Variants in MYRFL observed in about 807,000 individuals in gnomAD.
MYRFL encodes the protein myelin regulatory factor-like protein.
Under a neutral mutation model 109.4 loss-of-function variants are expected in MYRFL, and 88 were observed. That is an observed-to-expected ratio of 0.80 (90% CI 0.68 to 0.96). MYRFL has a LOEUF of 0.96. Among genes scored for constraint, MYRFL ranks in the 40% least tolerant of loss-of-function variants. The probability of loss-of-function intolerance (pLI) is 0.00; values close to 1 mark genes in which losing one functional copy is unlikely to be tolerated. For missense variants in MYRFL, 957 were observed against 954.9 expected, an observed-to-expected ratio of 1.00 and a Z score of -0.03; for synonymous variants, 324 against 320.9, an observed-to-expected ratio of 1.01 and a Z score of -0.10.
At chr12:69,938,253 A>G (rs375427496) in intron 19 of MYRFL, among the ~76,000 whole-genome samples, 1 of 152,228 alleles carries the variant, frequency 6.6e-6, no homozygotes, top group African/African-American at 2.4e-5. Context: ...TGTGGCTGGT[A>G]AACACTTTTC....
In MYRFL at chr12:69,952,891, G is replaced by C. The variant is rs1956015131; in HGVS notation, c.2375+5G>C. 4.6e-6 allele frequency: 7 copies of C among 1,529,558 alleles called. No homozygotes were observed. The East Asian group carries it at 1.7e-4, about 37-fold the overall frequency. 94.7% of individuals were successfully genotyped at this position (1,529,558 alleles called of 1,614,324 possible). On this transcript the variant is annotated splice_donor_5th_base_variant and intron_variant, in intron 21 of 24. Coordinates refer to ENST00000552032, the MANE Select transcript of MYRFL (RefSeq NM_182530.3). ...CATTCAAAGCCTCCAGTGCGGGTAGGTAAGCCTCCCCAGCATGCCCTGGTT... is the reference window on the plus strand; with the variant it reads ...CATTCAAAGCCTCCAGTGCGGGTAGCTAAGCCTCCCCAGCATGCCCTGGTT...
chr12:69,945,452 T>C (rs2120523890), intron 19 of MYRFL, among the ~76,000 whole-genome samples: 1 of 152,312 alleles, frequency 6.6e-6, no homozygotes, highest in African/African-American at 2.4e-5. Context: ...GCCAACAGTA[T>C]TTACAGTAAC....
At chr12:69,907,196 G>A (rs1035960531) in intron 11 of MYRFL, among the ~76,000 whole-genome samples, 1 of 152,150 alleles carries the variant, frequency 6.6e-6, no homozygotes, top group Admixed American at 6.5e-5. Flanking sequence ...CCAGAAATTA[G>A]AAAAGCATTT....
chr12:69,835,860 G>A (rs1882906429), intron 1 of MYRFL, among the ~76,000 whole-genome samples: 1 of 152,152 alleles, frequency 6.6e-6, no homozygotes. Flanking sequence ...AGTGTCTAGA[G>A]GTGAATGCTT....
At chr12:69,859,706 A>G (rs989277508) in intron 2 of MYRFL, among the ~76,000 whole-genome samples, 4 of 152,214 alleles carry the variant, frequency 2.6e-5, no homozygotes, top group African/African-American at 9.6e-5. Flanking sequence ...AATGCAAATC[A>G]AAACCACAAT....
chr12:69,856,824 T>C (rs1884320472), intron 2 of MYRFL, among the ~76,000 whole-genome samples: 1 of 152,004 alleles, frequency 6.6e-6, no homozygotes, highest in African/African-American at 2.4e-5. Flanking sequence ...TTCATGAATA[T>C]TTTCTCCAAG....
intron 15 of MYRFL, among the ~76,000 whole-genome samples, chr12:69,929,013 A>C (rs12369337): frequency 0.13 from 20,142 of 152,212 alleles, 1,991 homozygotes; most frequent in East Asian, 0.49. Context: ...GGCTCATGAG[A>C]GCAGGCCCTG....
intron 5 of MYRFL, among the ~76,000 whole-genome samples, 194 bp downstream of exon 5, chr12:69,880,486 A>C (rs1459494113): frequency 1.3e-5 from 2 of 152,172 alleles, no homozygotes; most frequent in Non-Finnish European, 2.9e-5. Context: ...CCTCCTAGGA[A>C]GAGATGATGT....
intron 2 of MYRFL, among the ~76,000 whole-genome samples, chr12:69,869,784 C>T (rs1885231143): frequency 6.6e-6 from 1 of 152,092 alleles, no homozygotes; most frequent in African/African-American, 2.4e-5. Context: ...ATGTGTCTTG[C>T]CTAATGTCTG....
chr12:69,927,820 G>T, intron 15 of MYRFL, 72 bp downstream of exon 15: 1 of 1,371,650 alleles, frequency 7.3e-7, no homozygotes, highest in South Asian at 1.3e-5. Context: ...AATCAGTCAA[G>T]AATTTTTTTC....
intron 1 of MYRFL, among the ~76,000 whole-genome samples, chr12:69,849,252 T>C (rs1443948670): frequency 6.6e-6 from 1 of 152,268 alleles, no homozygotes; most frequent in Non-Finnish European, 1.5e-5. Context: ...ATCTTAAGGA[T>C]GTATTCATTG....
At chr12:69,843,345 A>G (rs1278998451) in intron 1 of MYRFL, among the ~76,000 whole-genome samples, 2 of 152,204 alleles carry the variant, frequency 1.3e-5, no homozygotes, top group Admixed American at 1.3e-4. Context: ...CCTTTAAACA[A>G]CTAGAGTTGT....
Position 69,958,556 on chromosome 12 carries a change from C to CAAAGA in MYRFL, c.*29_*33dup, listed in dbSNP as rs1555169022. On this transcript the variant is annotated 3_prime_UTR_variant, in exon 25 of 25. Transcript: ENST00000552032. ...ATTTGTTCAAGTTTGGGGACTTTAC[C>CAAAGA]AAAGAAAAATACTCAGGAATACATT... 6.8e-7 allele frequency: 1 copy of CAAAGA among 1,469,382 alleles called. No homozygotes were observed. 91.0% of individuals were successfully genotyped at this position (1,469,382 alleles called of 1,614,324 possible).
chr12:69,840,346 G>GA (rs2136316336), intron 1 of MYRFL, among the ~76,000 whole-genome samples: 1 of 152,256 alleles, frequency 6.6e-6, no homozygotes, highest in African/African-American at 2.4e-5. Context: ...CTCTCTGGGG[G>GA]ACAGTTATTC....
At chr12:69,948,536 T>G (rs1955893511) in intron 19 of MYRFL, among the ~76,000 whole-genome samples, 2 of 152,176 alleles carry the variant, frequency 1.3e-5, no homozygotes, top group South Asian at 4.1e-4. Context: ...GATAGAGAAG[T>G]CCTGGTTTCC....
chr12:69,946,321 G>A (rs1342307666), intron 19 of MYRFL, among the ~76,000 whole-genome samples: 1 of 152,016 alleles, frequency 6.6e-6, no homozygotes, highest in African/African-American at 2.4e-5. Flanking sequence ...TGATACACTG[G>A]GAAAGTTGTT....
Position 69,936,078 on chromosome 12 carries a change from G to GTTTTTTTTTTTTTTTTTTTT in MYRFL, c.1917-25_1917-6dup. 1.3e-5 allele frequency: 12 copies of GTTTTTTTTTTTTTTTTTTTT among 891,622 alleles called. 3 individuals carry two copies. Among genetic ancestry groups the GTTTTTTTTTTTTTTTTTTTT allele is most frequent in the East Asian group, 1.2e-4 (2 of 16,566 alleles). The allele number at this position is 891,622 out of a possible 1,614,324, so 55.2% of individuals were successfully genotyped here. ...TCTGGAAACAAATCTGCCACATAAT[G>GTTTTTTTTTTTTTTTTTTTT]TTTTTTTTTTTTTTTTTTTTTTTTT... On this transcript the variant is annotated intron_variant, in intron 16 of 24. Coordinates refer to ENST00000552032, the MANE Select transcript of MYRFL (RefSeq NM_182530.3).
chr12:69,831,548 G>A (rs553299733), intron 1 of MYRFL, among the ~76,000 whole-genome samples: 6 of 152,188 alleles, frequency 3.9e-5, no homozygotes, highest in Non-Finnish European at 8.8e-5. Context: ...ACTATGGATA[G>A]GTTCATAAGG....
intron 1 of MYRFL, among the ~76,000 whole-genome samples, chr12:69,826,641 A>T (rs2136311610): frequency 6.6e-6 from 1 of 152,088 alleles, no homozygotes; most frequent in South Asian, 2.1e-4. Context: ...GTTTCTATGG[A>T]TATAGTTTCT....
Sources: allele counts gnomAD v4.1 joint callset (sites outside exome capture counted in the v4.1 genomes callset), GRCh38; gene constraint gnomAD v4.1.1; transcripts MANE v1.5; gene names NCBI Gene and HGNC (gene_info 2026-07-23, HGNC 2026-07-21).